The following STARD13 variants were observed in gnomAD, a reference collection of about 807,000 sequenced individuals.
The protein encoded by STARD13 is StAR related lipid transfer domain containing 13, also known as stAR-related lipid transfer protein 13.
A neutral mutation model predicts 106.4 loss-of-function variants in STARD13; 62 were observed. The observed-to-expected ratio is 0.58, with a 90% CI of 0.48 to 0.72. The LOEUF (loss-of-function observed/expected upper bound fraction) is 0.72, where lower values mean the gene tolerates loss of function less well. Among genes scored for constraint, STARD13 ranks in the 30% least tolerant of loss-of-function variants. The probability of loss-of-function intolerance (pLI) is 0.00; values close to 1 mark genes in which losing one functional copy is unlikely to be tolerated. For missense variants in STARD13, 1,387 were observed against 1,424.0 expected (o/e 0.97, Z 0.42); for synonymous variants, 565 against 553.0 (o/e 1.02, Z -0.31).
the STARD13 span, among the ~76,000 whole-genome samples, chr13:33,399,700 CAAAAAAAAAAAAAAA>C: frequency 2.5e-3 from 68 of 27,002 alleles, 1 homozygote; most frequent in African/African-American, 5.5e-3. Flanking sequence ...GACTCTGTCT[CAAAAAAAAAAAAAAA>C]AAAAAAAAAA....
chr13:33,589,926 G>A, the STARD13 span, among the ~76,000 whole-genome samples: 3 of 152,186 alleles, frequency 2.0e-5, no homozygotes, highest in South Asian at 6.2e-4. Context: ...ATTATTGTGT[G>A]GGAGTCTAAG....
the STARD13 span, among the ~76,000 whole-genome samples, chr13:33,512,811 G>T: frequency 6.6e-6 from 1 of 152,062 alleles, no homozygotes; most frequent in Non-Finnish European, 1.5e-5. Flanking sequence ...GTTCTTGAAA[G>T]CTCAGATTGC....
At chr13:33,264,794 G>T (rs1207356732) in intron 1 of STARD13, among the ~76,000 whole-genome samples, 7 of 152,154 alleles carry the variant, frequency 4.6e-5, no homozygotes, top group Non-Finnish European at 8.8e-5. Context: ...CTTGCATGCT[G>T]GGAGAAGTTA....
At chr13:33,384,016 C>T in the STARD13 span, among the ~76,000 whole-genome samples, 4 of 152,178 alleles carry the variant, frequency 2.6e-5, no homozygotes, top group South Asian at 8.3e-4. Flanking sequence ...CAACAGAAGG[C>T]TAGAATTCAA....
chr13:33,205,626 T>C (rs930824825), intron 1 of STARD13, among the ~76,000 whole-genome samples: 1 of 152,250 alleles, frequency 6.6e-6, no homozygotes, highest in Non-Finnish European at 1.5e-5. Context: ...CAAATGTTTC[T>C]AGAGTGAGTA....
At chr13:33,472,445 G>A in the STARD13 span, among the ~76,000 whole-genome samples, 1 of 152,122 alleles carries the variant, frequency 6.6e-6, no homozygotes, top group Admixed American at 6.5e-5. Flanking sequence ...TAGTGGTGGA[G>A]GGGGCTGTCT....
At chr13:33,292,712 G>T (rs1892341586) in intron 1 of STARD13, among the ~76,000 whole-genome samples, 1 of 152,068 alleles carries the variant, frequency 6.6e-6, no homozygotes, top group Admixed American at 6.5e-5. Flanking sequence ...GCAAAATTTA[G>T]TTCACAGTTT....
At chr13:33,612,261 G>T in the STARD13 span, among the ~76,000 whole-genome samples, 1 of 152,180 alleles carries the variant, frequency 6.6e-6, no homozygotes, top group Non-Finnish European at 1.5e-5. Context: ...AATTAGGAAA[G>T]TCACCCCTTC....
chr13:33,119,838 T>C (rs912786305), intron 7 of STARD13, among the ~76,000 whole-genome samples: 8 of 152,234 alleles, frequency 5.3e-5, no homozygotes, highest in Non-Finnish European at 1.0e-4. Flanking sequence ...CTTAGATGAT[T>C]CGCCACAAAG....
the STARD13 span, among the ~76,000 whole-genome samples, chr13:33,498,598 T>C: frequency 6.6e-6 from 1 of 152,198 alleles, no homozygotes; most frequent in Non-Finnish European, 1.5e-5. Flanking sequence ...AAATTATACA[T>C]ATTAAATGAC....
chr13:33,625,707 AC>A, the STARD13 span, among the ~76,000 whole-genome samples: 4 of 145,332 alleles, frequency 2.8e-5, no homozygotes, highest in East Asian at 1.9e-4. Flanking sequence ...ACCTAATGGT[AC>A]CCTTTTTTTT....
intron 1 of STARD13, among the ~76,000 whole-genome samples, chr13:33,173,898 A>G (rs879389077): frequency 6.6e-6 from 1 of 152,238 alleles, no homozygotes; most frequent in Non-Finnish European, 1.5e-5. Flanking sequence ...CAGTCAAGAC[A>G]GAGACTCTCA....
the STARD13 span, among the ~76,000 whole-genome samples, chr13:33,495,655 G>A: frequency 1.3e-5 from 2 of 151,768 alleles, no homozygotes; most frequent in Non-Finnish European, 1.5e-5. Context: ...AGAAGGAAGA[G>A]GAGCATGGTT....
chr13:33,273,958 T>C (rs141701220), intron 1 of STARD13: 83 of 152,308 alleles, frequency 5.4e-4, no homozygotes, highest in Non-Finnish European at 9.3e-4. Flanking sequence ...GTTTTCTCAG[T>C]ATCCTATGCT....
At chr13:33,327,154 A>G (rs1224159506) in intron 1 of STARD13, among the ~76,000 whole-genome samples, 2 of 152,228 alleles carry the variant, frequency 1.3e-5, no homozygotes, top group African/African-American at 4.8e-5. Context: ...ATCTTAGAAT[A>G]CCACACTAGA....
the STARD13 span, among the ~76,000 whole-genome samples, chr13:33,566,525 A>G: frequency 3.4e-5 from 5 of 148,164 alleles, 2 homozygotes; most frequent in Non-Finnish European, 7.5e-5. Context: ...CCCTTTCATT[A>G]TAATCATAGT....
chr13:33,212,330 T>C (rs1887770144), intron 1 of STARD13, among the ~76,000 whole-genome samples: 1 of 152,234 alleles, frequency 6.6e-6, no homozygotes, highest in African/African-American at 2.4e-5. Flanking sequence ...CAACTGTTCC[T>C]TTAGCATATG....
the STARD13 span, among the ~76,000 whole-genome samples, chr13:33,422,149 T>G: frequency 6.6e-6 from 1 of 152,098 alleles, no homozygotes; most frequent in Non-Finnish European, 1.5e-5. Context: ...AAAGAGGAAG[T>G]CAAACTGTGC....
At chr13:33,622,062 C>T in the STARD13 span, among the ~76,000 whole-genome samples, 2 of 151,902 alleles carry the variant, frequency 1.3e-5, no homozygotes, top group Non-Finnish European at 2.9e-5. Context: ...GCCTTAGCCT[C>T]CCAAAGTGCT....
Sources: gnomAD v4.1 joint callset for allele counts (sites outside exome capture counted in the v4.1 genomes callset) on GRCh38, gnomAD v4.1.1 for gene constraint, MANE v1.5 for transcripts, NCBI Gene and HGNC (gene_info 2026-07-23, HGNC 2026-07-21) for gene names.